Variants in CARF observed in about 807,000 individuals in gnomAD.
CARF encodes the protein calcium responsive transcription factor.
Under a neutral mutation model 82.0 loss-of-function variants are expected in CARF, and 57 were observed. The observed-to-expected ratio is 0.70, with a 90% CI of 0.56 to 0.87. The LOEUF (loss-of-function observed/expected upper bound fraction) is 0.87. Among genes scored for constraint, CARF ranks in the 40% least tolerant of loss-of-function variants. The pLI is 0.00. For synonymous variants in CARF, 268 were observed against 290.1 expected (o/e 0.92, Z 0.77); for missense variants, 771 against 855.8 (o/e 0.90, Z 1.24).
At chr2:202,932,960 G>T (rs149460334) in intron 3 of CARF, among the ~76,000 whole-genome samples, 2 of 152,280 alleles carry the variant, frequency 1.3e-5, no homozygotes, top group East Asian at 3.9e-4. Context: ...AGGGGCCCAT[G>T]TGCTGCTTCA....
chr2:202,962,502 A>C (rs2059364556), intron 9 of CARF: 1 of 151,990 alleles, frequency 6.6e-6, no homozygotes. Context: ...AAAAAAAAAA[A>C]ATTAACAAAT....
At chr2:202,952,823 C>A in intron 6 of CARF, 144 bp downstream of exon 6, 1 of 808,088 alleles carries the variant, frequency 1.2e-6, no homozygotes, top group Non-Finnish European at 1.8e-6. Context: ...CAGCTCTTTG[C>A]CCAAATAAAT....
intron 3 of CARF, among the ~76,000 whole-genome samples, chr2:202,936,575 T>TTTTG (rs922962090): frequency 2.6e-5 from 4 of 152,160 alleles, no homozygotes; most frequent in African/African-American, 4.8e-5. Context: ...CATAATGGGA[T>TTTTG]TTTGTTTGTT....
chr2:202,961,211 TTTTG>T, intron 8 of CARF, 22 bp from the exon 9 acceptor site: 1 of 1,578,988 alleles, frequency 6.3e-7, no homozygotes, highest in Non-Finnish European at 8.6e-7. Context: ...TTGCTAGTAA[TTTTG>T]TTTAATTTCT....
Position 202,981,601 on chromosome 2 carries a change from G to C in CARF, c.1605G>C (p.Gln535His). Reference sequence around the variant, plus strand: ...TTACCACCAAAGTGGAAACAAATCAGACCAGGGGTTCTTTGTCTCCTGAGC... The same window carrying C: ...TTACCACCAAAGTGGAAACAAATCACACCAGGGGTTCTTTGTCTCCTGAGC... ...ESITTKVETN[Q>H]TRGSLSPEPT... The change falls in exon 15 of 17, where the codon CAG becomes CAC. Residue 535 changes from glutamine to histidine, a missense_variant. Physicochemically the swap from Gln to His is conservative, Grantham distance 24 (BLOSUM62 0). Transcript: ENST00000438828. The C allele has an allele frequency of 1.9e-6, 3 of 1,610,398 alleles. No individual in the cohort carries two copies. The highest frequency in any genetic ancestry group is 2.2e-5 in the South Asian group (2 of 90,562).
chr2:202,985,246 T>G lies in CARF; in HGVS notation c.*1622T>G, dbSNP rs1002247969. On this transcript the variant is annotated 3_prime_UTR_variant, in exon 17 of 17. Transcript: ENST00000438828. ...ATAATATCAAATTTAACCTTAATAC[T>G]TTACATGAATATGAGTCACTTTTGG... The G allele has an allele frequency of 2.6e-5, 4 of 152,088 alleles. No homozygotes were observed. The highest frequency in any genetic ancestry group is 7.2e-5 in the African/African-American group (3 of 41,426). The allele number at this position is 152,088 out of a possible 1,614,324, so 9.4% of individuals were successfully genotyped here.
At chr2:202,950,705 T>C (rs1361881189) in intron 5 of CARF, among the ~76,000 whole-genome samples, 1 of 152,328 alleles carries the variant, frequency 6.6e-6, no homozygotes, top group East Asian at 1.9e-4. Context: ...TGTGTGACAG[T>C]TTCCTCATTT....
chr2:202,961,672 C>T (rs781610275), intron 9 of CARF: 22 of 477,556 alleles, frequency 4.6e-5, no homozygotes, highest in South Asian at 2.9e-4. Flanking sequence ...AATAAAATAT[C>T]GAAGTTTCCA....
chr2:202,966,686 G>A (rs747963947), intron 9 of CARF, among the ~76,000 whole-genome samples: 1 of 151,940 alleles, frequency 6.6e-6, no homozygotes, highest in African/African-American at 2.4e-5. Context: ...CTCCAGCCTG[G>A]GTGACAGAGT....
At chr2:202,920,762 G>C (rs904410496) in intron 2 of CARF, among the ~76,000 whole-genome samples, 1 of 151,790 alleles carries the variant, frequency 6.6e-6, no homozygotes, top group African/African-American at 2.4e-5. Flanking sequence ...TTCCTAATAG[G>C]AAAAAAGCAA....
rs1559298994 is a variant in CARF, at chr2:202,986,883, T to TAC, written c.*3260_*3261insCA. Reference sequence around the variant, plus strand: ...ATGTCTGTGCGTATATATATATATATATATATATATATATATATATATATA... The same window carrying TAC: ...ATGTCTGTGCGTATATATATATATATACATATATATATATATATATATATATA... On this transcript the variant is annotated 3_prime_UTR_variant, in exon 17 of 17. Transcript: ENST00000438828. 1.7e-5 allele frequency: 2 copies of TAC among 118,016 alleles called. No individual in the cohort carries two copies. The highest frequency in any genetic ancestry group is 8.8e-5 in the Admixed American group (1 of 11,306). The allele number at this position is 118,016 out of a possible 1,614,324, so 7.3% of individuals were successfully genotyped here. A position where few individuals can be genotyped will look rare whatever the true frequency, so the allele number is the denominator to read the frequency against.
intron 3 of CARF, chr2:202,925,711 A>T (rs1691674750): frequency 5.6e-6 from 1 of 179,956 alleles, no homozygotes; most frequent in Non-Finnish European, 1.2e-5. Flanking sequence ...CCAAGCTGGA[A>T]GCCATCCTCC....
At chr2:202,972,662 C>T (rs567330218) in intron 12 of CARF, among the ~76,000 whole-genome samples, 3 of 113,426 alleles carry the variant, frequency 2.6e-5, no homozygotes, top group South Asian at 6.2e-4. Context: ...GGCTACAGAG[C>T]GAGACTCCGT....
chr2:202,928,510 A>G (rs758095218), intron 3 of CARF, among the ~76,000 whole-genome samples: 2 of 152,154 alleles, frequency 1.3e-5, no homozygotes, highest in Non-Finnish European at 2.9e-5. Flanking sequence ...TTGCTGGATC[A>G]TATGGTAGTC....
chr2:202,987,216 T>C lies in CARF; in HGVS notation c.*3592T>C, dbSNP rs1004749936. Reference sequence around the variant, plus strand: ...CATCAACATTTTAAAACAATGTGTGTAATAAGTAATTCTCCACGCCCACCC... The same window carrying C: ...CATCAACATTTTAAAACAATGTGTGCAATAAGTAATTCTCCACGCCCACCC... On this transcript the variant is annotated 3_prime_UTR_variant, in exon 17 of 17. Transcript: ENST00000438828. 3.3e-5 allele frequency among the ~76,000 whole-genome samples: 5 copies of C among 151,910 alleles called. No homozygotes were observed. The highest frequency in any genetic ancestry group is 5.9e-5 in the Non-Finnish European group (4 of 67,988).
intron 3 of CARF, among the ~76,000 whole-genome samples, chr2:202,931,021 C>T (rs1005707548): frequency 2.3e-5 from 3 of 132,030 alleles, no homozygotes; most frequent in Admixed American, 8.9e-5. Context: ...GTTGCCCAGG[C>T]TGGAGTGCAA....
At chr2:202,945,150 G>C (rs543060550) in intron 5 of CARF, among the ~76,000 whole-genome samples, 2 of 152,244 alleles carry the variant, frequency 1.3e-5, no homozygotes, top group East Asian at 3.9e-4. Context: ...TGTTTCAGTG[G>C]ACTGTATTTT....
chr2:202,917,018 G>A (rs9749722), intron 1 of CARF, among the ~76,000 whole-genome samples: 13,339 of 151,732 alleles, frequency 0.088, 728 homozygotes, highest in Non-Finnish European at 0.12. Flanking sequence ...AGACCATCCC[G>A]GCTAACACGG....
intron 4 of CARF, among the ~76,000 whole-genome samples, chr2:202,942,182 T>C (rs1188333697): frequency 6.6e-6 from 1 of 152,032 alleles, no homozygotes; most frequent in African/African-American, 2.4e-5. Flanking sequence ...AAGACCAGCC[T>C]GGCCAACATG....
Sources: allele counts gnomAD v4.1 joint callset (sites outside exome capture counted in the v4.1 genomes callset), GRCh38; gene constraint gnomAD v4.1.1; transcripts MANE v1.5; gene names NCBI Gene and HGNC (gene_info 2026-07-23, HGNC 2026-07-21).